Variants in METTL8 observed in about 807,000 individuals in gnomAD.
METTL8 encodes methyltransferase 8, tRNA N3-cytidine, also known as tRNA N(3)-cytidine methyltransferase METTL8, mitochondrial.
A neutral mutation model predicts 48.7 loss-of-function variants in METTL8; 32 were observed. That is an observed-to-expected ratio of 0.66 (90% CI 0.50 to 0.88). METTL8 has a LOEUF of 0.88. Among genes scored for constraint, METTL8 ranks in the 40% least tolerant of loss-of-function variants. The pLI is 0.00. For missense variants in METTL8, 464 were observed against 474.4 expected, an observed-to-expected ratio of 0.98 and a Z score of 0.20; for synonymous variants, 136 against 157.1, an observed-to-expected ratio of 0.87 and a Z score of 1.01.
At chr2:171,395,446 T>C (rs1398668355) in intron 1 of METTL8, among the ~76,000 whole-genome samples, 1 of 152,136 alleles carries the variant, frequency 6.6e-6, no homozygotes, top group African/African-American at 2.4e-5. Context: ...CCCAGCAATA[T>C]ACTGTTTATA....
intron 1 of METTL8, among the ~76,000 whole-genome samples, chr2:171,399,106 G>A (rs1194871216): frequency 6.6e-6 from 1 of 152,076 alleles, no homozygotes; most frequent in African/African-American, 2.4e-5. Context: ...ATCCTATGAA[G>A]GTCCTTCCTC....
intron 1 of METTL8, among the ~76,000 whole-genome samples, chr2:171,402,592 T>C (rs1181556895): frequency 6.6e-6 from 1 of 152,198 alleles, no homozygotes; most frequent in African/African-American, 2.4e-5. Flanking sequence ...TGTAGATATG[T>C]ATGTATACAT....
At chr2:171,329,818 G>T (rs192350367) in intron 7 of METTL8, among the ~76,000 whole-genome samples, 5 of 152,288 alleles carry the variant, frequency 3.3e-5, no homozygotes, top group African/African-American at 1.2e-4. Context: ...TTCCACCAGG[G>T]AACTGTGAGA....
intron 1 of METTL8, among the ~76,000 whole-genome samples, chr2:171,421,476 TACAC>T (rs35524770): frequency 0.014 from 2,066 of 149,904 alleles, 43 homozygotes; most frequent in African/African-American, 0.046. Context: ...CACACATCCA[TACAC>T]ACACACACAC....
chr2:171,334,068 C>T (rs1207410325), intron 5 of METTL8, among the ~76,000 whole-genome samples: 1 of 142,016 alleles, frequency 7.0e-6, no homozygotes, highest in African/African-American at 2.8e-5. Flanking sequence ...TAACATAGTC[C>T]TCTAAAACAA....
intron 5 of METTL8, among the ~76,000 whole-genome samples, chr2:171,334,165 C>T (rs1685842652): frequency 6.6e-6 from 1 of 152,158 alleles, no homozygotes; most frequent in African/African-American, 2.4e-5. Context: ...GTATGTCTAG[C>T]TCATTATAAA....
chr2:171,316,655 T>C lies in METTL8; in HGVS notation c.*7517A>G, dbSNP rs575171273. Among the ~76,000 whole-genome samples the C allele has an allele frequency of 2.4e-4, 36 of 152,314 alleles. No homozygotes were observed. The highest frequency in any genetic ancestry group is 7.7e-4 in the African/African-American group (32 of 41,576). ...TTTTTGGGATCCTGAATTTCATCTTTCATTTGGATTAAAAAGAAACTTAAA... is the reference window on the plus strand; with the variant it reads ...TTTTTGGGATCCTGAATTTCATCTTCCATTTGGATTAAAAAGAAACTTAAA... On this transcript the variant is annotated 3_prime_UTR_variant, in exon 10 of 10. Transcript: ENST00000375258.
At position 171,315,842 on chromosome 2, in the gene METTL8, C is replaced by T. The variant is rs1684239904; in HGVS notation, c.*8330G>A. Among the ~76,000 whole-genome samples, 1 of 152,196 alleles carries T rather than the reference C, an allele frequency of 6.6e-6. No individual in the cohort carries two copies. Among genetic ancestry groups the T allele is most frequent in the African/African-American group, 2.4e-5 (1 of 41,448 alleles). Reference sequence around the variant, plus strand: ...TTACATGAAATAAGAAAATGTTCAACTATGTAATAACCAAAGCTTCCTTAA... The same window carrying T: ...TTACATGAAATAAGAAAATGTTCAATTATGTAATAACCAAAGCTTCCTTAA... On this transcript the variant is annotated 3_prime_UTR_variant, in exon 10 of 10. Transcript: ENST00000375258.
At chr2:171,363,796 A>ATATATATATATATATATATG (rs1019814294) in intron 2 of METTL8, among the ~76,000 whole-genome samples, 12 of 117,388 alleles carry the variant, frequency 1.0e-4, no homozygotes, top group South Asian at 7.7e-4. Context: ...CAAATTTTAT[A>ATATATATATATATATATATG]TATATATATA....
At chr2:171,359,947 G>A (rs1178386154) in intron 3 of METTL8, among the ~76,000 whole-genome samples, 1 of 152,014 alleles carries the variant, frequency 6.6e-6, no homozygotes, top group Non-Finnish European at 1.5e-5. Flanking sequence ...TATGAAGGTT[G>A]GCAAGGCTTT....
intron 1 of METTL8, among the ~76,000 whole-genome samples, chr2:171,393,955 T>A (rs1479271076): frequency 6.6e-6 from 1 of 152,242 alleles, no homozygotes; most frequent in African/African-American, 2.4e-5. Context: ...TCCATTCAAA[T>A]GTGACTTAAC....
intron 7 of METTL8, among the ~76,000 whole-genome samples, chr2:171,328,517 T>C (rs575766137): frequency 3.3e-4 from 51 of 152,290 alleles, no homozygotes; most frequent in South Asian, 6.2e-4. Context: ...TTTTAGTTTT[T>C]TCTTTTTTTG....
intron 3 of METTL8, among the ~76,000 whole-genome samples, chr2:171,353,109 G>A (rs1263811276): frequency 5.3e-5 from 8 of 152,154 alleles, no homozygotes; most frequent in Non-Finnish European, 2.9e-5. Context: ...GGCCTTTAGT[G>A]CTATAAATTT....
chr2:171,402,159 C>T (rs1027479059), intron 1 of METTL8, among the ~76,000 whole-genome samples: 6 of 151,902 alleles, frequency 3.9e-5, no homozygotes, highest in South Asian at 4.2e-4. Context: ...TAACATTCCA[C>T]GGAGAGAAGG....
At chr2:171,370,343 CTT>C (rs2105499092) in intron 2 of METTL8, among the ~76,000 whole-genome samples, 1 of 152,262 alleles carries the variant, frequency 6.6e-6, no homozygotes, top group African/African-American at 2.4e-5. Flanking sequence ...CCTGGATCAA[CTT>C]TCTATGTACA....
rs375293994 is a variant in METTL8 at position 171,352,375 on chromosome 2, T to A, written c.235+8047A>T. 5.3e-5 allele frequency among the ~76,000 whole-genome samples: 8 copies of A among 152,290 alleles called. No homozygotes were observed. In the East Asian group the frequency reaches 9.7e-4, roughly 18 times the overall value. The stretch of plus-strand genomic sequence containing the variant: ...GGATTCAGTTTGCCAGTATTTTATT[T>A]AGGATTTTCACATCAATGTTCATCA... On this transcript the variant is annotated intron_variant, in intron 3 of 9. Transcript: ENST00000375258.
intron 5 of METTL8, 81 bp from the exon 6 acceptor site, chr2:171,331,948 T>A (rs530339286): frequency 5.1e-6 from 5 of 984,244 alleles, no homozygotes; most frequent in Middle Eastern, 3.2e-4. Flanking sequence ...TGTAGTAACG[T>A]GACCATAGCT....
At chr2:171,354,208 T>G (rs1401800467) in intron 3 of METTL8, among the ~76,000 whole-genome samples, 2 of 152,210 alleles carry the variant, frequency 1.3e-5, no homozygotes, top group South Asian at 2.1e-4. Flanking sequence ...TATTTCTCCT[T>G]CACTTATGAA....
Position 171,322,493 on chromosome 2 carries a change from T to G in METTL8, c.*1679A>C, listed in dbSNP as rs1359469298. ...GGCTCACACCTGTAATCCCAGCACT[T>G]TGGGAGGCCGAGGCGGGCGGATCAC... On this transcript the variant is annotated 3_prime_UTR_variant, in exon 10 of 10. Coordinates refer to ENST00000375258, the MANE Select transcript of METTL8 (RefSeq NM_001321154.2). 1 of 150,762 alleles carries G rather than the reference T, an allele frequency of 6.6e-6. No homozygotes were observed. The highest frequency in any genetic ancestry group is 1.5e-5 in the Non-Finnish European group (1 of 67,702). 9.3% of individuals were successfully genotyped at this position (150,762 alleles called of 1,614,324 possible). A position where few individuals can be genotyped will look rare whatever the true frequency, so the allele number is the denominator to read the frequency against.
Sources: gnomAD v4.1 joint callset for allele counts (sites outside exome capture counted in the v4.1 genomes callset) on GRCh38, gnomAD v4.1.1 for gene constraint, MANE v1.5 for transcripts, NCBI Gene and HGNC (gene_info 2026-07-23, HGNC 2026-07-21) for gene names.